The following RUNX1 variants were observed in gnomAD, a reference collection of about 807,000 sequenced individuals.
The protein encoded by RUNX1 is RUNX family transcription factor 1, also known as runt-related transcription factor 1.
RUNX1 carries 19 observed loss-of-function variants against 42.8 expected under a neutral mutation model. The ratio of observed to expected loss-of-function variants is 0.44; its 90% confidence interval spans 0.31 to 0.65. The LOEUF (loss-of-function observed/expected upper bound fraction) is 0.65. Ranked by LOEUF, RUNX1 falls within the 30% of genes least tolerant of loss-of-function variation. The pLI, the probability that RUNX1 is intolerant of heterozygous loss-of-function variation, is 0.07. For missense variants in RUNX1, 528 were observed against 672.0 expected, an observed-to-expected ratio of 0.79 and a Z score of 2.37; for synonymous variants, 271 against 289.4, an observed-to-expected ratio of 0.94 and a Z score of 0.64.
intron 6 of RUNX1, among the ~76,000 whole-genome samples, chr21:34,848,240 T>C (rs2057344938): frequency 6.6e-6 from 1 of 152,184 alleles, no homozygotes; most frequent in Non-Finnish European, 1.5e-5. Context: ...CCAGGCTGAA[T>C]CAGGAAGCCA....
At position 34,933,189 on chromosome 21, in the gene RUNX1, C is replaced by T. The variant is rs748605816; in HGVS notation, c.59-40226G>A. 3.9e-5 allele frequency among the ~76,000 whole-genome samples: 6 copies of T among 152,254 alleles called. No individual in the cohort carries two copies. In the South Asian group the frequency reaches 1.0e-3, roughly 26 times the overall value. On this transcript the variant is annotated intron_variant, in intron 2 of 8. Coordinates refer to ENST00000675419, the MANE Select transcript of RUNX1 (RefSeq NM_001754.5). ...GGAAAATTAGTGGTTGGGAACATCT[C>T]GATGGTGGACTTGTTTCAAACTAAA...
At chr21:34,927,819 A>C (rs1404430534) in intron 2 of RUNX1, among the ~76,000 whole-genome samples, 2 of 152,220 alleles carry the variant, frequency 1.3e-5, no homozygotes, top group Non-Finnish European at 2.9e-5. Context: ...TAAGATTCAG[A>C]GATGTGAATC....
intron 2 of RUNX1, among the ~76,000 whole-genome samples, chr21:34,983,802 A>T (rs1047210479): frequency 2.0e-5 from 3 of 152,210 alleles, no homozygotes; most frequent in African/African-American, 7.2e-5. Context: ...GGTAGCTTGC[A>T]GAAATAGCAG....
intron 2 of RUNX1, among the ~76,000 whole-genome samples, chr21:35,036,765 G>A (rs879622761): frequency 1.3e-5 from 2 of 152,220 alleles, no homozygotes; most frequent in Admixed American, 6.5e-5. Context: ...CTGTTTACAT[G>A]AGTGACTGAG....
intron 2 of RUNX1, among the ~76,000 whole-genome samples, chr21:34,961,219 A>G (rs573393821): frequency 6.6e-6 from 1 of 152,220 alleles, no homozygotes; most frequent in African/African-American, 2.4e-5. Flanking sequence ...ACTAAAACAC[A>G]AAAAATTAGC....
rs529009591 is a variant in RUNX1, at chr21:34,788,718, T to C, written c.*3417A>G. Reference sequence around the variant, plus strand: ...AATACTGACCTGGCTAAAAACAAAATTCCCAACAAACACACAAAAATCCCA... The same window carrying C: ...AATACTGACCTGGCTAAAAACAAAACTCCCAACAAACACACAAAAATCCCA... On this transcript the variant is annotated 3_prime_UTR_variant, in exon 9 of 9. Coordinates refer to ENST00000675419, the MANE Select transcript of RUNX1 (RefSeq NM_001754.5). The C allele has an allele frequency of 2.1e-4, 49 of 233,464 alleles. 1 individual carries two copies. Among genetic ancestry groups the C allele is most frequent in the Admixed American group, 1.7e-3 (30 of 17,792 alleles). The allele number at this position is 233,464 out of a possible 1,614,324, so 14.5% of individuals were successfully genotyped here.
At position 34,791,714 on chromosome 21, in the gene RUNX1, T is replaced by C. The variant is rs979999737; in HGVS notation, c.*421A>G. The C allele has an allele frequency of 8.7e-6, 2 of 229,694 alleles. No homozygotes were observed. The highest frequency in any genetic ancestry group is 4.4e-5 in the African/African-American group (2 of 45,074). The allele number at this position is 229,694 out of a possible 1,614,324, so 14.2% of individuals were successfully genotyped here. On this transcript the variant is annotated 3_prime_UTR_variant, in exon 9 of 9. Coordinates refer to ENST00000675419, the MANE Select transcript of RUNX1 (RefSeq NM_001754.5). ...CCTCTCCCCCCACCCCAACCAAAAT[T>C]CCACACTCTTTGGAATAAACAACTT...
At position 34,792,105 on chromosome 21, in the gene RUNX1, G is replaced by A. The variant is rs747944899; in HGVS notation, c.*30C>T. 3 of 1,327,626 alleles carry A rather than the reference G, an allele frequency of 2.3e-6. No homozygotes were observed. Among genetic ancestry groups the A allele is most frequent in the Non-Finnish European group, 2.9e-6 (3 of 1,039,518 alleles). 82.2% of individuals were successfully genotyped at this position (1,327,626 alleles called of 1,614,324 possible). Reference sequence around the variant, plus strand: ...CGCCCGGAGGCGAAGGCGGCGGCCCGCGGGGCCCAGCCGGGCCAGGCCTGG... The same window carrying A: ...CGCCCGGAGGCGAAGGCGGCGGCCCACGGGGCCCAGCCGGGCCAGGCCTGG... On this transcript the variant is annotated 3_prime_UTR_variant, in exon 9 of 9. Coordinates refer to ENST00000675419, the MANE Select transcript of RUNX1 (RefSeq NM_001754.5). This position sits in a 1 kb window ranked among gnomAD's most constrained non-coding sequence, Gnocchi z 6.9.
At chr21:35,047,514 AACACACACAC>A (rs145398828) in intron 2 of RUNX1, among the ~76,000 whole-genome samples, 743 of 70,514 alleles carry the variant, frequency 0.011, 12 homozygotes, top group African/African-American at 0.029. Context: ...TGCCATCTCC[AACACACACAC>A]ACACACACAC....
intron 2 of RUNX1, among the ~76,000 whole-genome samples, chr21:34,932,526 C>T (rs887767875): frequency 2.0e-5 from 3 of 152,080 alleles, no homozygotes; most frequent in East Asian, 1.9e-4. Flanking sequence ...AAAACCATGC[C>T]GGTGATCTTT....
chr21:35,017,853 G>A (rs748299192), intron 2 of RUNX1, among the ~76,000 whole-genome samples: 1 of 152,186 alleles, frequency 6.6e-6, no homozygotes, highest in Non-Finnish European at 1.5e-5. Context: ...AAAGTCTTTA[G>A]CTAAAGAACA....
intron 8 of RUNX1, among the ~76,000 whole-genome samples, chr21:34,795,634 G>A (rs1389731785): frequency 6.6e-6 from 1 of 152,180 alleles, no homozygotes; most frequent in Non-Finnish European, 1.5e-5. Context: ...CAGTGGTTCT[G>A]AGGCTGCCCT....
intron 2 of RUNX1, among the ~76,000 whole-genome samples, chr21:35,030,820 T>C (rs759290145): frequency 6.6e-6 from 1 of 152,170 alleles, no homozygotes; most frequent in Non-Finnish European, 1.5e-5. Context: ...TGGCAAATCA[T>C]AGCATTTGAT....
intron 2 of RUNX1, among the ~76,000 whole-genome samples, chr21:35,000,236 CT>C (rs397866864): frequency 0.092 from 10,207 of 110,910 alleles, 161 homozygotes; most frequent in Middle Eastern, 0.13. Flanking sequence ...TTCTTTCTTT[CT>C]TTTTTTTTTT....
intron 2 of RUNX1, among the ~76,000 whole-genome samples, chr21:34,996,545 C>A (rs1302816390): frequency 6.6e-6 from 1 of 151,898 alleles, no homozygotes; most frequent in Non-Finnish European, 1.5e-5. Context: ...GGACGAAGAC[C>A]AGGGCAGAAT....
intron 2 of RUNX1, among the ~76,000 whole-genome samples, chr21:34,931,850 G>A (rs962321972): frequency 7.9e-5 from 12 of 152,008 alleles, no homozygotes; most frequent in African/African-American, 1.5e-4. Flanking sequence ...ATAGGGCTGC[G>A]TAGAGTGGTT....
In RUNX1 at chr21:34,989,014, C is replaced by CTCTCTCTCT. The variant is rs752573187; in HGVS notation, c.58+59827_58+59828insAGAGAGAGA. The stretch of plus-strand genomic sequence containing the variant: ...CCCAGATCTCTCTCTCTCTCTCTCT[C>CTCTCTCTCT]TTTTTTTTTTTTTAGATGGAGTTTC... On this transcript the variant is annotated intron_variant, in intron 2 of 8. Transcript: ENST00000675419. Among the ~76,000 whole-genome samples, 902 of 145,850 alleles carry CTCTCTCTCT rather than the reference C, an allele frequency of 6.2e-3. 13 individuals carry two copies. Among genetic ancestry groups the CTCTCTCTCT allele is most frequent in the African/African-American group, 0.022 (840 of 38,580 alleles).
intron 6 of RUNX1, among the ~76,000 whole-genome samples, chr21:34,846,701 C>T (rs1442522027): frequency 6.6e-6 from 1 of 152,146 alleles, no homozygotes; most frequent in Non-Finnish European, 1.5e-5. Flanking sequence ...TTTTAGAGTT[C>T]AACAGAGCAG....
intron 7 of RUNX1, 73 bp from the exon 8 acceptor site, chr21:34,799,535 G>T: frequency 7.3e-7 from 1 of 1,370,614 alleles, no homozygotes; most frequent in Non-Finnish European, 1.0e-6. Context: ...AATAAGAAAT[G>T]AGTGGCCCTT....
Sources: gnomAD v4.1 joint callset for allele counts (sites outside exome capture counted in the v4.1 genomes callset) on GRCh38, gnomAD v4.1.1 for gene constraint, Gnocchi (gnomAD v3.1) non-coding constraint, MANE v1.5 for transcripts, NCBI Gene and HGNC (gene_info 2026-07-23, HGNC 2026-07-21) for gene names.